Variants in CCSER1 observed in about 807,000 individuals in gnomAD.
CCSER1 encodes the protein serine-rich coiled-coil domain-containing protein 1.
CCSER1 carries 41 observed loss-of-function variants against 82.0 expected under a neutral mutation model. The observed-to-expected ratio is 0.50, with a 90% CI of 0.39 to 0.65. The LOEUF is 0.65. CCSER1 is among the 30% of genes least tolerant of loss of function. The pLI is 0.00. For missense variants in CCSER1, 1,119 were observed against 1,064.2 expected, an observed-to-expected ratio of 1.05 and a Z score of -0.72; for synonymous variants, 414 against 383.9, an observed-to-expected ratio of 1.08 and a Z score of -0.92.
chr4:90,846,458 A>T (rs1034758257), intron 8 of CCSER1, among the ~76,000 whole-genome samples: 18 of 147,782 alleles, frequency 1.2e-4, no homozygotes, highest in African/African-American at 4.4e-4. Context: ...AAAAACAATT[A>T]TAAATATGTA....
At chr4:91,225,465 T>C (rs763979739) in intron 10 of CCSER1, among the ~76,000 whole-genome samples, 8 of 147,452 alleles carry the variant, frequency 5.4e-5, no homozygotes, top group Non-Finnish European at 1.0e-4. Context: ...TAAACTCAGG[T>C]GTAATTATGA....
chr4:90,695,082 A>G (rs1180166744), intron 6 of CCSER1, among the ~76,000 whole-genome samples: 1 of 148,966 alleles, frequency 6.7e-6, no homozygotes, highest in Non-Finnish European at 1.5e-5. Context: ...ATATGTATAT[A>G]TATTTGCCAA....
intron 1 of CCSER1, 42 bp from the exon 2 acceptor site, chr4:90,308,202 T>A: frequency 7.4e-7 from 1 of 1,345,214 alleles, no homozygotes; most frequent in Non-Finnish European, 9.8e-7. Flanking sequence ...TATTTGTAGT[T>A]GAATTCTATT....
intron 10 of CCSER1, among the ~76,000 whole-genome samples, chr4:91,538,628 CA>C (rs1560747342): frequency 6.9e-6 from 1 of 144,388 alleles, no homozygotes; most frequent in Non-Finnish European, 1.5e-5. Flanking sequence ...CTCCCTGCCC[CA>C]AACAATCCCT....
intron 1 of CCSER1, among the ~76,000 whole-genome samples, chr4:90,303,430 A>G (rs1347851763): frequency 6.6e-6 from 1 of 152,194 alleles, no homozygotes; most frequent in Non-Finnish European, 1.5e-5. Context: ...CCAAAACAGC[A>G]TGGTACTGGT....
At chr4:90,868,587 T>C (rs938383821) in intron 8 of CCSER1, among the ~76,000 whole-genome samples, 1 of 152,082 alleles carries the variant, frequency 6.6e-6, no homozygotes, top group African/African-American at 2.4e-5. Context: ...CACCTTTTCT[T>C]TATCTGTTCC....
chr4:91,290,037 G>T (rs1743627619), intron 10 of CCSER1, among the ~76,000 whole-genome samples: 1 of 151,966 alleles, frequency 6.6e-6, no homozygotes, highest in African/African-American at 2.4e-5. Flanking sequence ...TTCTCATCAG[G>T]TACTCTGTAA....
intron 10 of CCSER1, among the ~76,000 whole-genome samples, chr4:91,113,272 T>C (rs2148876040): frequency 6.6e-6 from 1 of 152,306 alleles, no homozygotes; most frequent in East Asian, 1.9e-4. Context: ...GGCTCTGAGT[T>C]GCAAGGGAGA....
chr4:91,324,268 T>C (rs1322925225), intron 10 of CCSER1, among the ~76,000 whole-genome samples: 2 of 152,196 alleles, frequency 1.3e-5, no homozygotes, highest in African/African-American at 2.4e-5. Context: ...GTTTACTTTT[T>C]TCATAATTTG....
chr4:90,438,338 A>G (rs578187850), intron 4 of CCSER1, among the ~76,000 whole-genome samples: 5 of 152,290 alleles, frequency 3.3e-5, no homozygotes, highest in African/African-American at 7.2e-5. Flanking sequence ...ATTTTATTTT[A>G]AGGGTCATCA....
At chr4:90,402,911 C>G (rs1753099089) in intron 4 of CCSER1, among the ~76,000 whole-genome samples, 1 of 152,126 alleles carries the variant, frequency 6.6e-6, no homozygotes, top group South Asian at 2.1e-4. Context: ...AGTTAAAGCT[C>G]AAACCAGGGT....
chr4:90,907,877 C>T (rs1428508391), intron 8 of CCSER1, among the ~76,000 whole-genome samples: 1 of 152,102 alleles, frequency 6.6e-6, no homozygotes, highest in East Asian at 1.9e-4. Context: ...TTTTGCTGGA[C>T]TTGTCATGTC....
At chr4:90,128,289 G>A (rs1380722697) in intron 1 of CCSER1, among the ~76,000 whole-genome samples, 1 of 151,792 alleles carries the variant, frequency 6.6e-6, no homozygotes, top group Non-Finnish European at 1.5e-5. Flanking sequence ...CGAAGAGGGG[G>A]AAGGGGAGGA....
intron 10 of CCSER1, among the ~76,000 whole-genome samples, chr4:91,204,381 A>G (rs1560514035): frequency 6.6e-6 from 1 of 151,816 alleles, no homozygotes; most frequent in African/African-American, 2.4e-5. Flanking sequence ...GCCATGAAAG[A>G]ACATAAAGCC....
intron 10 of CCSER1, among the ~76,000 whole-genome samples, chr4:91,586,084 G>A (rs1453085952): frequency 1.3e-5 from 2 of 151,708 alleles, no homozygotes; most frequent in East Asian, 3.9e-4. Context: ...ACTAGTGATA[G>A]AGTGTAGAGG....
chr4:91,069,953 T>C (rs997006774), intron 9 of CCSER1, among the ~76,000 whole-genome samples: 13 of 152,012 alleles, frequency 8.6e-5, no homozygotes, highest in Non-Finnish European at 4.4e-5. Context: ...ATTTATAATA[T>C]AGAGTCAGAC....
intron 9 of CCSER1, among the ~76,000 whole-genome samples, chr4:91,085,106 A>C (rs910090966): frequency 7.0e-6 from 1 of 143,360 alleles, no homozygotes; most frequent in African/African-American, 2.6e-5. Flanking sequence ...ACTACAGGAC[A>C]CTTTTTTTTT....
At chr4:90,626,904 C>T (rs1723393102) in intron 5 of CCSER1, among the ~76,000 whole-genome samples, 1 of 152,056 alleles carries the variant, frequency 6.6e-6, no homozygotes, top group Non-Finnish European at 1.5e-5. Context: ...GGGCAAAATC[C>T]TAGGTTATTT....
At chr4:91,167,960 G>A (rs1249589111) in intron 10 of CCSER1, among the ~76,000 whole-genome samples, 1 of 148,602 alleles carries the variant, frequency 6.7e-6, no homozygotes, top group African/African-American at 2.5e-5. Context: ...CACCCCGTCT[G>A]GGAAGTGGGG....
Sources: gnomAD v4.1 joint callset for allele counts (sites outside exome capture counted in the v4.1 genomes callset) on GRCh38, gnomAD v4.1.1 for gene constraint, MANE v1.5 for transcripts, NCBI Gene and HGNC (gene_info 2026-07-23, HGNC 2026-07-21) for gene names.